Variants in ITGBL1 observed in about 807,000 individuals in gnomAD.
ITGBL1 encodes the protein integrin subunit beta like 1, also known as integrin beta-like protein 1.
ITGBL1 carries 51 observed loss-of-function variants against 68.5 expected under a neutral mutation model. The observed-to-expected ratio is 0.74, with a 90% CI of 0.59 to 0.94. The LOEUF (loss-of-function observed/expected upper bound fraction) is 0.94, where lower values mean the gene tolerates loss of function less well. ITGBL1 is among the 40% of genes least tolerant of loss of function. The pLI is 0.00. For missense variants in ITGBL1, 649 were observed against 647.4 expected, an observed-to-expected ratio of 1.00 and a Z score of -0.03; for synonymous variants, 209 against 227.3, an observed-to-expected ratio of 0.92 and a Z score of 0.72.
chr13:101,639,440 A>G (rs2032289564), intron 7 of ITGBL1, among the ~76,000 whole-genome samples: 1 of 152,222 alleles, frequency 6.6e-6, no homozygotes, highest in African/African-American at 2.4e-5. Context: ...AAGTTATTTC[A>G]TATGAAATAA....
At chr13:101,643,134 G>A (rs1400824594) in intron 7 of ITGBL1, among the ~76,000 whole-genome samples, 3 of 150,616 alleles carry the variant, frequency 2.0e-5, no homozygotes, top group East Asian at 1.9e-4. Flanking sequence ...GATGGCATTG[G>A]ATCTATAAAT....
chr13:101,518,444 C>T (rs539254183), intron 2 of ITGBL1, among the ~76,000 whole-genome samples: 4 of 152,228 alleles, frequency 2.6e-5, no homozygotes, highest in South Asian at 4.1e-4. Context: ...TTAAGAGTCA[C>T]GTTTAAAATG....
At chr13:101,622,431 C>G (rs913844929) in intron 7 of ITGBL1, among the ~76,000 whole-genome samples, 2 of 152,056 alleles carry the variant, frequency 1.3e-5, no homozygotes, top group African/African-American at 4.8e-5. Flanking sequence ...CCACTGACAC[C>G]TTGTAAGCCT....
intron 8 of ITGBL1, among the ~76,000 whole-genome samples, chr13:101,704,971 T>G (rs1384833623): frequency 2.6e-5 from 4 of 152,190 alleles, no homozygotes; most frequent in Non-Finnish European, 5.9e-5. Context: ...ACAAGAACAG[T>G]CATTAGCCTT....
rs2034696487 is a variant in ITGBL1, at chr13:101,715,819, T to G, written c.*165T>G. 2 of 484,916 alleles carry G rather than the reference T, an allele frequency of 4.1e-6. No individual in the cohort carries two copies. Among genetic ancestry groups the G allele is most frequent in the African/African-American group, 2.0e-5 (1 of 50,602 alleles). 30.0% of individuals were successfully genotyped at this position (484,916 alleles called of 1,614,324 possible). A position where few individuals can be genotyped will look rare whatever the true frequency, so the allele number is the denominator to read the frequency against. On this transcript the variant is annotated 3_prime_UTR_variant, in exon 11 of 11. Transcript: ENST00000376180. ...AATCCGAGTACCTATTAGAAATGAG[T>G]TATGCAAATTTAGATGCAAATAACA...
chr13:101,524,796 T>G (rs890777421), intron 2 of ITGBL1, among the ~76,000 whole-genome samples: 10 of 152,122 alleles, frequency 6.6e-5, no homozygotes, highest in Admixed American at 5.2e-4. Flanking sequence ...AACTGACGTA[T>G]AGCTGTCATC....
chr13:101,470,873 C>T (rs565704565), intron 2 of ITGBL1, among the ~76,000 whole-genome samples: 139 of 146,258 alleles, frequency 9.5e-4, no homozygotes, highest in Non-Finnish European at 1.6e-3. Flanking sequence ...TTGCTACATC[C>T]TTCTTGTGTG....
At chr13:101,645,451 A>G (rs1197360583) in intron 7 of ITGBL1, among the ~76,000 whole-genome samples, 2 of 152,104 alleles carry the variant, frequency 1.3e-5, no homozygotes, top group Non-Finnish European at 2.9e-5. Context: ...CTATCTGTGA[A>G]TGAGCCTGGG....
At chr13:101,609,131 C>A (rs1327765298) in intron 7 of ITGBL1, among the ~76,000 whole-genome samples, 1 of 151,900 alleles carries the variant, frequency 6.6e-6, no homozygotes, top group Non-Finnish European at 1.5e-5. Flanking sequence ...AATAGAAGAG[C>A]CTGTTTATCA....
chr13:101,689,754 T>A (rs2033842485), intron 7 of ITGBL1, among the ~76,000 whole-genome samples: 1 of 152,234 alleles, frequency 6.6e-6, no homozygotes, highest in Non-Finnish European at 1.5e-5. Context: ...TGTATATGTT[T>A]GTGGGAGACA....
chr13:101,673,959 C>A (rs1384476214), intron 7 of ITGBL1, among the ~76,000 whole-genome samples: 2 of 152,170 alleles, frequency 1.3e-5, no homozygotes, highest in Non-Finnish European at 2.9e-5. Context: ...GAAAATCTAA[C>A]CACAGAATGA....
intron 7 of ITGBL1, among the ~76,000 whole-genome samples, chr13:101,639,394 A>G (rs1211632282): frequency 6.6e-6 from 1 of 152,160 alleles, no homozygotes; most frequent in Non-Finnish European, 1.5e-5. Context: ...AGATACACAT[A>G]TCTAATCATC....
intron 2 of ITGBL1, among the ~76,000 whole-genome samples, chr13:101,562,978 A>T (rs1292558426): frequency 6.6e-6 from 1 of 151,660 alleles, no homozygotes; most frequent in Admixed American, 6.6e-5. Context: ...ACAGAAATAG[A>T]TCTGAAAAAA....
chr13:101,687,278 A>C (rs1419393854), intron 7 of ITGBL1, among the ~76,000 whole-genome samples: 1 of 151,974 alleles, frequency 6.6e-6, no homozygotes, highest in East Asian at 1.9e-4. Flanking sequence ...TTTTATATAA[A>C]ATATTTTGGA....
At chr13:101,672,571 G>T (rs1416726429) in intron 7 of ITGBL1, among the ~76,000 whole-genome samples, 4 of 152,040 alleles carry the variant, frequency 2.6e-5, no homozygotes, top group Non-Finnish European at 4.4e-5. Context: ...TTAGGGTGGG[G>T]CGACCAGCCT....
chr13:101,588,964 C>T (rs1199514650), intron 6 of ITGBL1, among the ~76,000 whole-genome samples: 1 of 152,142 alleles, frequency 6.6e-6, no homozygotes, highest in Non-Finnish European at 1.5e-5. Flanking sequence ...GGTACCAACA[C>T]CTGATATTTC....
rs2034273417 is a variant in ITGBL1 at position 101,706,774 on chromosome 13, G to A, written c.1151G>A (p.Cys384Tyr). The change falls in exon 9 of 11, where the codon TGT becomes TAT. Residue 384 changes from cysteine (C) to tyrosine (Y), a missense_variant. Physicochemically the swap from Cys to Tyr is radical, Grantham distance 194 (BLOSUM62 -2). Coordinates refer to ENST00000376180, the MANE Select transcript of ITGBL1 (RefSeq NM_004791.3). ...TTCACAGGCCACGGCACATGTTCCT[G>A]TGGTCGCTGTGTTTGTGAGAGAGGA... ...VVCGGHGTCS[C>Y]GRCVCERGWF... The A allele has an allele frequency of 1.9e-6, 3 of 1,614,120 alleles. No individual in the cohort carries two copies. Among genetic ancestry groups the A allele is most frequent in the South Asian group, 1.1e-5 (1 of 91,080 alleles).
At chr13:101,529,301 A>G (rs1358668148) in intron 2 of ITGBL1, among the ~76,000 whole-genome samples, 1 of 152,078 alleles carries the variant, frequency 6.6e-6, no homozygotes, top group Non-Finnish European at 1.5e-5. Flanking sequence ...TGATACTAAA[A>G]TCTATAATTC....
intron 7 of ITGBL1, among the ~76,000 whole-genome samples, chr13:101,659,039 A>ATTTTTTTTTTTTTTTTTTTTTTTT (rs55935871): frequency 9.6e-6 from 1 of 103,848 alleles, no homozygotes; most frequent in Non-Finnish European, 1.8e-5. Flanking sequence ...TGGTGATTGA[A>ATTTTTTTTTTTTTTTTTTTTTTTT]TTTTTTTTTT....
Sources: allele counts gnomAD v4.1 joint callset (sites outside exome capture counted in the v4.1 genomes callset), GRCh38; gene constraint gnomAD v4.1.1; transcripts MANE v1.5; gene names NCBI Gene and HGNC (gene_info 2026-07-23, HGNC 2026-07-21).